WDPCP: variants seen among roughly 807,000 people sequenced by gnomAD.
WDPCP encodes the protein WD repeat-containing and planar cell polarity effector protein fritz homolog.
In WDPCP, 71 loss-of-function variants were observed where a neutral mutation model predicts 93.1. That is an observed-to-expected ratio of 0.76 (90% CI 0.63 to 0.93). The LOEUF is 0.93. WDPCP is among the 40% of genes least tolerant of loss of function. WDPCP has a pLI of 0.00. For missense variants in WDPCP, 844 were observed against 887.4 expected, an observed-to-expected ratio of 0.95 and a Z score of 0.62; for synonymous variants, 315 against 315.0, an observed-to-expected ratio of 1.00 and a Z score of 0.00.
intron 17 of WDPCP, among the ~76,000 whole-genome samples, chr2:63,137,348 T>G (rs1670695692): frequency 6.6e-6 from 1 of 152,192 alleles, no homozygotes. Flanking sequence ...TCATGATTGT[T>G]GTTTGTATGT....
intron 9 of WDPCP, among the ~76,000 whole-genome samples, chr2:63,410,952 T>G (rs1694978494): frequency 6.6e-6 from 1 of 152,136 alleles, no homozygotes; most frequent in African/African-American, 2.4e-5. Flanking sequence ...GAGGGGGACT[T>G]CAATACTCCA....
intron 2 of WDPCP, among the ~76,000 whole-genome samples, chr2:63,668,826 GA>G (rs1710313717): frequency 6.6e-6 from 1 of 151,986 alleles, no homozygotes; most frequent in Admixed American, 6.6e-5. Flanking sequence ...CTTATTTTGT[GA>G]CAGACTCTAA....
intron 1 of WDPCP, among the ~76,000 whole-genome samples, chr2:63,579,715 C>A (rs1708364226): frequency 6.6e-6 from 1 of 152,092 alleles, no homozygotes; most frequent in Non-Finnish European, 1.5e-5. Flanking sequence ...AGTCATGAAT[C>A]CAAATGGAGT....
chr2:63,807,447 T>C (rs1670785140), intron 2 of WDPCP, among the ~76,000 whole-genome samples: 1 of 152,168 alleles, frequency 6.6e-6, no homozygotes, highest in Non-Finnish European at 1.5e-5. Flanking sequence ...TACACCATGA[T>C]TGGAAGCTTC....
intron 2 of WDPCP, among the ~76,000 whole-genome samples, chr2:63,675,022 T>A (rs1710388110): frequency 6.6e-6 from 1 of 152,146 alleles, no homozygotes; most frequent in Non-Finnish European, 1.5e-5. Flanking sequence ...TATGTCTACA[T>A]GAGAGTATAA....
At chr2:63,550,120 T>C (rs1039464382) in intron 1 of WDPCP, among the ~76,000 whole-genome samples, 2 of 152,038 alleles carry the variant, frequency 1.3e-5, no homozygotes, top group African/African-American at 4.8e-5. Context: ...GCTTCTCCTA[T>C]GTTCTCATGC....
Position 63,365,089 on chromosome 2 carries a change from G to A in WDPCP, c.1748+13297C>T, listed in dbSNP as rs1690796234. Among the ~76,000 whole-genome samples the A allele has an allele frequency of 2.0e-5, 3 of 152,302 alleles. No individual in the cohort carries two copies. The East Asian group carries it at 5.8e-4, about 29-fold the overall frequency. On this transcript the variant is annotated intron_variant, in intron 12 of 17. Coordinates refer to ENST00000272321, the MANE Select transcript of WDPCP (RefSeq NM_015910.7). ...ATCAACTTTGGCAACTGCAGTCAAA[G>A]TAAAGGTCCCGGCCATGTACTGACT...
chr2:63,458,499 CA>C (rs1215841038), intron 6 of WDPCP, among the ~76,000 whole-genome samples: 1 of 151,808 alleles, frequency 6.6e-6, no homozygotes, highest in Middle Eastern at 3.2e-3. Context: ...ACAGTAACTA[CA>C]AAAAATAAAA....
intron 3 of WDPCP, among the ~76,000 whole-genome samples, chr2:63,627,963 C>G (rs188706128): frequency 6.6e-6 from 1 of 152,186 alleles, no homozygotes; most frequent in Non-Finnish European, 1.5e-5. Context: ...GAGCCGTCCT[C>G]GGACGGCAAA....
At chr2:63,601,050 G>C (rs1210859183) in intron 3 of WDPCP, among the ~76,000 whole-genome samples, 2 of 152,134 alleles carry the variant, frequency 1.3e-5, no homozygotes, top group African/African-American at 4.8e-5. Context: ...TCTCACTGCA[G>C]GGCTCAAGTC....
chr2:63,228,118 G>GTTTAC (rs1436883580), intron 14 of WDPCP, among the ~76,000 whole-genome samples: 3 of 151,960 alleles, frequency 2.0e-5, no homozygotes, highest in African/African-American at 4.8e-5. Flanking sequence ...AATGAAAAAA[G>GTTTAC]TTTACTTTTA....
At chr2:63,413,369 A>G (rs1695165157) in intron 9 of WDPCP, among the ~76,000 whole-genome samples, 1 of 152,190 alleles carries the variant, frequency 6.6e-6, no homozygotes, top group Admixed American at 6.5e-5. Context: ...ACAAAAATCA[A>G]CTCAAGATGG....
chr2:63,750,423 A>G (rs1669862948), intron 2 of WDPCP, among the ~76,000 whole-genome samples: 1 of 152,086 alleles, frequency 6.6e-6, no homozygotes, highest in Non-Finnish European at 1.5e-5. Flanking sequence ...TAAATAGGAA[A>G]GCATATACTT....
chr2:63,391,533 G>A (rs747002275), intron 10 of WDPCP, among the ~76,000 whole-genome samples: 4 of 152,090 alleles, frequency 2.6e-5, no homozygotes, highest in Non-Finnish European at 5.9e-5. Flanking sequence ...TGGAAGTTCT[G>A]GCTAGGGCAA....
At chr2:63,706,567 C>T (rs1452922933) in intron 2 of WDPCP, among the ~76,000 whole-genome samples, 1 of 137,668 alleles carries the variant, frequency 7.3e-6, no homozygotes, top group Non-Finnish European at 1.6e-5. Context: ...CTTAGTTTGG[C>T]TGGATATGAA....
intron 1 of WDPCP, among the ~76,000 whole-genome samples, chr2:63,563,935 G>T (rs1020396435): frequency 6.6e-6 from 1 of 152,168 alleles, no homozygotes; most frequent in Non-Finnish European, 1.5e-5. Context: ...TAAGACAGTG[G>T]CGATGGTGGC....
chr2:63,267,629 C>T (rs1682251058), intron 13 of WDPCP, among the ~76,000 whole-genome samples: 1 of 152,108 alleles, frequency 6.6e-6, no homozygotes, highest in Non-Finnish European at 1.5e-5. Flanking sequence ...ATTCAAACAA[C>T]TCAATAGTAA....
chr2:63,608,054 C>A (rs898514892), intron 3 of WDPCP, among the ~76,000 whole-genome samples: 3 of 151,904 alleles, frequency 2.0e-5, no homozygotes, highest in Admixed American at 1.3e-4. Flanking sequence ...TGAACAAATA[C>A]CATATTTTTA....
At chr2:63,653,802 C>T (rs1034379796) in intron 2 of WDPCP, among the ~76,000 whole-genome samples, 15 of 151,350 alleles carry the variant, frequency 9.9e-5, no homozygotes, top group South Asian at 6.3e-4. Context: ...CCCAGTTACT[C>T]GGGAGGCTGA....
Sources: gnomAD v4.1 joint callset for allele counts (sites outside exome capture counted in the v4.1 genomes callset) on GRCh38, gnomAD v4.1.1 for gene constraint, MANE v1.5 for transcripts, NCBI Gene and HGNC (gene_info 2026-07-23, HGNC 2026-07-21) for gene names.